CCBE1: variants seen among roughly 807,000 people sequenced by gnomAD.
CCBE1 encodes collagen and calcium-binding EGF domain-containing protein 1.
A neutral mutation model predicts 50.0 loss-of-function variants in CCBE1; 37 were observed. That is an observed-to-expected ratio of 0.74 (90% CI 0.57 to 0.97). CCBE1 has a LOEUF of 0.97. Among genes scored for constraint, CCBE1 ranks in the 50% least tolerant of loss-of-function variants. CCBE1 has a pLI of 0.00. For missense variants in CCBE1, 538 were observed against 523.8 expected, an observed-to-expected ratio of 1.03 and a Z score of -0.26; for synonymous variants, 234 against 203.7, an observed-to-expected ratio of 1.15 and a Z score of -1.27.
intron 2 of CCBE1, among the ~76,000 whole-genome samples, chr18:59,691,923 T>C (rs1332468147): frequency 6.6e-6 from 1 of 152,188 alleles, no homozygotes. Flanking sequence ...GGGGAAGGGA[T>C]GAAAGTGGTG....
At chr18:59,611,887 A>C (rs1437534682) in intron 2 of CCBE1, among the ~76,000 whole-genome samples, 1 of 152,248 alleles carries the variant, frequency 6.6e-6, no homozygotes, top group Non-Finnish European at 1.5e-5. Flanking sequence ...ATATAGAGTC[A>C]CTGGGAAAAC....
At chr18:59,476,933 A>G (rs67046774) in intron 3 of CCBE1, among the ~76,000 whole-genome samples, 3,280 of 152,282 alleles carry the variant, frequency 0.022, 137 homozygotes, top group East Asian at 0.2. Context: ...GGCACCACTC[A>G]CTGTTATCCC....
chr18:59,488,106 T>G (rs1169228699), intron 2 of CCBE1, among the ~76,000 whole-genome samples: 1 of 152,190 alleles, frequency 6.6e-6, no homozygotes, highest in African/African-American at 2.4e-5. Context: ...AAATACGGCA[T>G]GATTCCACTT....
At chr18:59,530,815 T>C (rs1024188475) in intron 2 of CCBE1, among the ~76,000 whole-genome samples, 9 of 152,252 alleles carry the variant, frequency 5.9e-5, no homozygotes, top group Non-Finnish European at 1.3e-4. Context: ...TGTTCTCAGA[T>C]AGTTTTCTTA....
At position 59,660,289 on chromosome 18, in the gene CCBE1, A is replaced by G. The variant is rs190343665; in HGVS notation, c.212+36340T>C. ...AGAAAATATAAAAATAAGTAAGCAA[A>G]TGGTCATTTAGTCCAACATGTAAGT... On this transcript the variant is annotated intron_variant, in intron 2 of 10. Transcript: ENST00000439986. Among the ~76,000 whole-genome samples the G allele has an allele frequency of 2.6e-5, 4 of 152,338 alleles. No homozygotes were observed. The East Asian group carries it at 7.7e-4, about 29-fold the overall frequency.
intron 2 of CCBE1, among the ~76,000 whole-genome samples, chr18:59,575,933 C>T (rs1169367005): frequency 6.6e-6 from 1 of 152,222 alleles, no homozygotes; most frequent in African/African-American, 2.4e-5. Flanking sequence ...ACCCTAATCC[C>T]ACATGTCCCT....
chr18:59,456,280 G>A (rs532884919), intron 5 of CCBE1, among the ~76,000 whole-genome samples: 101 of 152,308 alleles, frequency 6.6e-4, no homozygotes, highest in African/African-American at 1.8e-3. Flanking sequence ...GAAATGGATC[G>A]TTACAGGTTG....
intron 2 of CCBE1, among the ~76,000 whole-genome samples, chr18:59,482,856 A>G (rs994538744): frequency 1.7e-5 from 2 of 119,484 alleles, no homozygotes; most frequent in African/African-American, 5.4e-5. Context: ...ATACCCCAAG[A>G]TATTTTGACT....
intron 2 of CCBE1, among the ~76,000 whole-genome samples, chr18:59,595,114 C>CAAAAAAAAAAAAAAAAAAA (rs546035209): frequency 1.1e-4 from 8 of 73,580 alleles, no homozygotes; most frequent in African/African-American, 3.6e-4. Flanking sequence ...GACTCTGTCT[C>CAAAAAAAAAAAAAAAAAAA]AAAAAAAAAA....
intron 2 of CCBE1, among the ~76,000 whole-genome samples, chr18:59,540,147 T>G (rs1479161202): frequency 6.6e-6 from 1 of 152,228 alleles, no homozygotes; most frequent in Non-Finnish European, 1.5e-5. Context: ...TCACTAATAC[T>G]ATCTCTGAAA....
At chr18:59,630,163 C>G (rs1021767774) in intron 2 of CCBE1, among the ~76,000 whole-genome samples, 1 of 152,104 alleles carries the variant, frequency 6.6e-6, no homozygotes, top group Non-Finnish European at 1.5e-5. Flanking sequence ...AAGACTTTGA[C>G]CTCCGCCTCA....
chr18:59,435,856 C>A lies in CCBE1; in HGVS notation c.*52G>T. 1 of 1,487,630 alleles carries A rather than the reference C, an allele frequency of 6.7e-7. No individual in the cohort carries two copies. Among genetic ancestry groups the A allele is most frequent in the Non-Finnish European group, 9.4e-7 (1 of 1,064,478 alleles). The allele number at this position is 1,487,630 out of a possible 1,614,324, so 92.2% of individuals were successfully genotyped here. ...TCTTTCTTCTCTTTAGATGGTTTAA[C>A]TGCAGGTGAGTTGATCTTTCTCTTC... On this transcript the variant is annotated 3_prime_UTR_variant, in exon 11 of 11. Transcript: ENST00000439986.
At chr18:59,477,358 C>T (rs1399480501) in intron 3 of CCBE1, among the ~76,000 whole-genome samples, 1 of 152,138 alleles carries the variant, frequency 6.6e-6, no homozygotes, top group African/African-American at 2.4e-5. Flanking sequence ...GGTCACCTAA[C>T]CAGGTAGAGA....
intron 2 of CCBE1, among the ~76,000 whole-genome samples, chr18:59,485,190 G>C (rs1212584115): frequency 6.6e-6 from 1 of 152,180 alleles, no homozygotes; most frequent in Non-Finnish European, 1.5e-5. Context: ...CATAGAAAGG[G>C]TGATATCTTG....
At chr18:59,610,419 C>A (rs2053552879) in intron 2 of CCBE1, among the ~76,000 whole-genome samples, 1 of 152,018 alleles carries the variant, frequency 6.6e-6, no homozygotes. Context: ...CTCCTGCCCC[C>A]CAAATACCCC....
At chr18:59,611,562 T>C (rs1166119667) in intron 2 of CCBE1, among the ~76,000 whole-genome samples, 1 of 152,092 alleles carries the variant, frequency 6.6e-6, no homozygotes, top group East Asian at 1.9e-4. Context: ...CTGGCCAACA[T>C]GGCGAAACCC....
intron 2 of CCBE1, among the ~76,000 whole-genome samples, chr18:59,494,009 G>A (rs1318897355): frequency 2.0e-5 from 3 of 152,154 alleles, no homozygotes. Context: ...ATGATTGTGA[G>A]GCCTCCCCAG....
chr18:59,534,649 G>C (rs914800927), intron 2 of CCBE1, among the ~76,000 whole-genome samples: 1 of 152,206 alleles, frequency 6.6e-6, no homozygotes, highest in Non-Finnish European at 1.5e-5. Context: ...ATGAGATCAG[G>C]AACTCTGGAG....
chr18:59,617,280 T>A (rs1014731058), intron 2 of CCBE1, among the ~76,000 whole-genome samples: 12 of 152,200 alleles, frequency 7.9e-5, no homozygotes, highest in African/African-American at 2.4e-4. Flanking sequence ...CCTGCAAGCT[T>A]TAGGCATTCA....
Sources: gnomAD v4.1 joint callset for allele counts (sites outside exome capture counted in the v4.1 genomes callset) on GRCh38, gnomAD v4.1.1 for gene constraint, MANE v1.5 for transcripts, NCBI Gene and HGNC (gene_info 2026-07-23, HGNC 2026-07-21) for gene names.